The following XPR1 variants were observed in gnomAD, a reference collection of about 807,000 sequenced individuals.
XPR1 encodes xenotropic and polytropic retrovirus receptor 1.
A neutral mutation model predicts 87.5 loss-of-function variants in XPR1; 28 were observed. The observed-to-expected ratio is 0.32, with a 90% CI of 0.24 to 0.44. XPR1 has a LOEUF of 0.44. Ranked by LOEUF, XPR1 falls within the 20% of genes least tolerant of loss-of-function variation. XPR1 has a pLI of 1.00. For missense variants in XPR1, 559 were observed against 862.3 expected, an observed-to-expected ratio of 0.65 and a Z score of 4.41; for synonymous variants, 300 against 306.1, an observed-to-expected ratio of 0.98 and a Z score of 0.21.
chr1:180,858,130 C>T (rs560184793), intron 11 of XPR1, among the ~76,000 whole-genome samples: 2 of 152,250 alleles, frequency 1.3e-5, no homozygotes, highest in East Asian at 1.9e-4. Context: ...GCAGGAGAAT[C>T]GCTTGAACCA....
At chr1:180,785,949 A>T (rs1300274440) in intron 2 of XPR1, among the ~76,000 whole-genome samples, 6 of 151,702 alleles carry the variant, frequency 4.0e-5, no homozygotes, top group African/African-American at 1.4e-4. Flanking sequence ...AGCTTTAAAA[A>T]AAAAAAAAAG....
intron 11 of XPR1, among the ~76,000 whole-genome samples, chr1:180,837,189 A>G (rs1651323787): frequency 6.6e-6 from 1 of 152,210 alleles, no homozygotes; most frequent in South Asian, 2.1e-4. Flanking sequence ...TCTCCATGGC[A>G]ACGTATTATT....
intron 1 of XPR1, among the ~76,000 whole-genome samples, chr1:180,660,082 G>A (rs548020374): frequency 1.3e-5 from 2 of 152,068 alleles, no homozygotes; most frequent in Admixed American, 1.3e-4. Context: ...ATTTTTTCAT[G>A]GTTCACTCTT....
chr1:180,703,907 C>G (rs1038615381), intron 2 of XPR1, among the ~76,000 whole-genome samples: 4 of 152,060 alleles, frequency 2.6e-5, no homozygotes, highest in African/African-American at 9.7e-5. Flanking sequence ...CCATACTGGA[C>G]AGTACAGATT....
chr1:180,669,130 G>A (rs1201921556), intron 1 of XPR1, among the ~76,000 whole-genome samples: 1 of 151,678 alleles, frequency 6.6e-6, no homozygotes, highest in East Asian at 1.9e-4. Flanking sequence ...TTAATTTCTG[G>A]CCTAACAAAT....
intron 2 of XPR1, among the ~76,000 whole-genome samples, chr1:180,742,835 T>C (rs1482098923): frequency 1.3e-5 from 2 of 152,254 alleles, no homozygotes; most frequent in East Asian, 3.9e-4. Context: ...GCATCCACAC[T>C]TTCAAAGTAA....
At chr1:180,727,362 A>G (rs1037266496) in intron 2 of XPR1, among the ~76,000 whole-genome samples, 2 of 152,120 alleles carry the variant, frequency 1.3e-5, no homozygotes, top group Admixed American at 6.5e-5. Context: ...CAAGTTTATT[A>G]ATATAATAAA....
Position 180,886,376 on chromosome 1 carries a change from T to C in XPR1, c.*2310T>C, listed in dbSNP as rs893034295. ...GACATTTGAATTATTAACTTTATTCTTTATTAGTGAATCTCTATGATGGCA... is the reference window on the plus strand; with the variant it reads ...GACATTTGAATTATTAACTTTATTCCTTATTAGTGAATCTCTATGATGGCA... On this transcript the variant is annotated 3_prime_UTR_variant, in exon 15 of 15. Transcript: ENST00000367590. The C allele has an allele frequency of 1.3e-5, 2 of 152,256 alleles. No individual in the cohort carries two copies. The highest frequency in any genetic ancestry group is 1.9e-4 in the East Asian group (1 of 5,206). 9.4% of individuals were successfully genotyped at this position (152,256 alleles called of 1,614,324 possible).
At chr1:180,737,259 T>C (rs1485530816) in intron 2 of XPR1, among the ~76,000 whole-genome samples, 2 of 152,126 alleles carry the variant, frequency 1.3e-5, no homozygotes, top group Non-Finnish European at 2.9e-5. Context: ...TTTCCTACGT[T>C]ATGTAAGGGC....
chr1:180,664,858 C>T (rs1299464863), intron 1 of XPR1, among the ~76,000 whole-genome samples: 1 of 152,304 alleles, frequency 6.6e-6, no homozygotes, highest in East Asian at 1.9e-4. Context: ...CTCAGATCAT[C>T]AGGCATTAGA....
intron 1 of XPR1, among the ~76,000 whole-genome samples, chr1:180,660,621 C>T (rs1196732747): frequency 6.6e-6 from 1 of 152,104 alleles, no homozygotes; most frequent in African/African-American, 2.4e-5. Flanking sequence ...CATTCAGGAG[C>T]ATATTGTTTC....
At chr1:180,882,259 C>T (rs937533604) in intron 14 of XPR1, among the ~76,000 whole-genome samples, 4 of 152,164 alleles carry the variant, frequency 2.6e-5, no homozygotes, top group African/African-American at 4.8e-5. Context: ...TGGTGTACAG[C>T]GGAGAGAGCA....
intron 2 of XPR1, among the ~76,000 whole-genome samples, chr1:180,766,462 G>T (rs1648290894): frequency 6.6e-6 from 1 of 152,136 alleles, no homozygotes; most frequent in Admixed American, 6.5e-5. Context: ...ATAATTCTAA[G>T]TAGTAATACA....
chr1:180,671,373 A>G lies in XPR1; in HGVS notation c.70-10987A>G, dbSNP rs1264528324. Among the ~76,000 whole-genome samples, 5 of 152,220 alleles carry G rather than the reference A, an allele frequency of 3.3e-5. No individual in the cohort carries two copies. In the East Asian group the frequency reaches 5.8e-4, roughly 18 times the overall value. On this transcript the variant is annotated intron_variant, in intron 1 of 14. Coordinates refer to ENST00000367590, the MANE Select transcript of XPR1 (RefSeq NM_004736.4). ...TAGATGGATAGGAGATTATGAAGGC[A>G]AAAGAGGATGTGGCAGTGGAATTGA...
intron 9 of XPR1, among the ~76,000 whole-genome samples, chr1:180,829,373 G>T (rs1396808486): frequency 6.6e-6 from 1 of 152,148 alleles, no homozygotes; most frequent in Non-Finnish European, 1.5e-5. Context: ...AAGTGGAGAA[G>T]TTGAAAGGCC....
At chr1:180,774,114 G>A (rs1648618044) in intron 2 of XPR1, among the ~76,000 whole-genome samples, 1 of 152,056 alleles carries the variant, frequency 6.6e-6, no homozygotes, top group Non-Finnish European at 1.5e-5. Flanking sequence ...CAAACAAGTG[G>A]CTGCATTTCT....
intron 2 of XPR1, among the ~76,000 whole-genome samples, chr1:180,729,664 A>AT (rs1442716795): frequency 6.6e-6 from 1 of 151,950 alleles, no homozygotes; most frequent in African/African-American, 2.4e-5. Context: ...AATGTTGAGT[A>AT]TTTTTTCATA....
chr1:180,856,113 C>T (rs886580866), intron 11 of XPR1, among the ~76,000 whole-genome samples: 9 of 152,162 alleles, frequency 5.9e-5, no homozygotes, highest in African/African-American at 2.2e-4. Context: ...TCCTGCATCT[C>T]AAAACAGTAA....
chr1:180,845,798 A>G (rs1490293798), intron 11 of XPR1, among the ~76,000 whole-genome samples: 2 of 152,170 alleles, frequency 1.3e-5, no homozygotes, highest in African/African-American at 2.4e-5. Context: ...ATTAAGAGCA[A>G]TGTGGACTCG....
Sources: allele counts gnomAD v4.1 joint callset (sites outside exome capture counted in the v4.1 genomes callset), GRCh38; gene constraint gnomAD v4.1.1; transcripts MANE v1.5; gene names NCBI Gene and HGNC (gene_info 2026-07-23, HGNC 2026-07-21).